GRB10: variants seen among roughly 807,000 people sequenced by gnomAD.
GRB10 encodes growth factor receptor bound protein 10.
In GRB10, 20 loss-of-function variants were observed where a neutral mutation model predicts 80.9. That is an observed-to-expected ratio of 0.25 (90% CI 0.17 to 0.36). GRB10 has a LOEUF of 0.36. GRB10 is among the 10% of genes least tolerant of loss of function. The pLI, the probability that GRB10 is intolerant of heterozygous loss-of-function variation, is 1.00. For missense variants in GRB10, 548 were observed against 747.7 expected, an observed-to-expected ratio of 0.73 and a Z score of 3.12; for synonymous variants, 291 against 291.5, an observed-to-expected ratio of 1.00 and a Z score of 0.02.
intron 7 of GRB10, among the ~76,000 whole-genome samples, chr7:50,639,287 C>T (rs1428957456): frequency 6.6e-6 from 1 of 152,162 alleles, no homozygotes; most frequent in Non-Finnish European, 1.5e-5. Context: ...TGATAGATTT[C>T]AAGTTTGCAG....
In GRB10 at chr7:50,621,861, C is replaced by T. The variant is rs536772428; in HGVS notation, c.662-2576G>A. Among the ~76,000 whole-genome samples the T allele has an allele frequency of 3.9e-5, 6 of 152,332 alleles. No homozygotes were observed. The East Asian group carries it at 9.6e-4, about 24-fold the overall frequency. On this transcript the variant is annotated intron_variant, in intron 8 of 18. Transcript: ENST00000401949. ...CTAATGCTGGCATTACTCTACTCCT[C>T]AAGAAAAAATATTTAAATATCAAGA... is the stretch of plus-strand genomic sequence containing the variant.
At chr7:50,745,635 G>A (rs927905982) in intron 3 of GRB10, among the ~76,000 whole-genome samples, 1 of 152,154 alleles carries the variant, frequency 6.6e-6, no homozygotes, top group Admixed American at 6.5e-5. Flanking sequence ...TAACTGTTGG[G>A]AAAACGGCTA....
intron 2 of GRB10, among the ~76,000 whole-genome samples, chr7:50,758,430 T>G (rs1402187681): frequency 6.6e-6 from 1 of 152,234 alleles, no homozygotes; most frequent in Non-Finnish European, 1.5e-5. Context: ...TGTCTTAACT[T>G]ACTTCCAAAA....
intron 5 of GRB10, among the ~76,000 whole-genome samples, chr7:50,702,389 G>GC (rs1340819483): frequency 6.6e-6 from 1 of 152,238 alleles, no homozygotes; most frequent in East Asian, 1.9e-4. Flanking sequence ...CAGCACCCAT[G>GC]CCGCTTTGGG....
intron 3 of GRB10, among the ~76,000 whole-genome samples, chr7:50,742,837 G>A (rs1175215281): frequency 6.6e-6 from 1 of 152,014 alleles, no homozygotes; most frequent in African/African-American, 2.4e-5. Context: ...TGTCTGCAGG[G>A]GGAAAATATT....
chr7:50,604,191 G>T, intron 16 of GRB10, 106 bp from the exon 17 acceptor site: 1 of 1,292,988 alleles, frequency 7.7e-7, no homozygotes, highest in African/African-American at 1.5e-5. Flanking sequence ...GACTCCCCCA[G>T]CTACAGCTTG....
intron 4 of GRB10, 64 bp from the exon 5 acceptor site, chr7:50,703,972 C>A (rs756574296): frequency 6.6e-6 from 7 of 1,065,762 alleles, no homozygotes; most frequent in Non-Finnish European, 1.0e-5. Flanking sequence ...CTCTTTTCAA[C>A]ACCCAGCTTC....
In GRB10 at chr7:50,606,423, G is replaced by A. The variant is rs945071236; in HGVS notation, c.1195-9C>T. The A allele has an allele frequency of 3.1e-6, 5 of 1,611,546 alleles. No homozygotes were observed. The African/African-American group carries it at 4.0e-5, about 13-fold the overall frequency. On this transcript the variant is annotated splice_polypyrimidine_tract_variant and intron_variant, in intron 13 of 18. Transcript: ENST00000401949. ...TAAAGGAGCATTCCATACTGGAGAG[G>A]AGAAGCCACAGTTAGTCACCGGCCC...
chr7:50,690,320 C>CAAAAAAAAAAAA (rs5884162), intron 5 of GRB10, among the ~76,000 whole-genome samples: 1 of 148,688 alleles, frequency 6.7e-6, no homozygotes, highest in Non-Finnish European at 1.5e-5. Flanking sequence ...AACAAACAAA[C>CAAAAAAAAAAAA]AAAAAAAACA....
Position 50,614,759 on chromosome 7 carries a change from C to T in GRB10, c.1095+11G>A. The T allele has an allele frequency of 1.9e-6, 3 of 1,581,078 alleles. No individual in the cohort carries two copies. Among genetic ancestry groups the T allele is most frequent in the South Asian group, 2.2e-5 (2 of 90,480 alleles). ...GAGCATGCGCGCCGTCTGTGGACAG[C>T]TCGTGGGTACCTTTATGCAGAGCCC... On this transcript the variant is annotated intron_variant, in intron 12 of 18. Coordinates refer to ENST00000401949, the MANE Select transcript of GRB10 (RefSeq NM_001350814.2).
chr7:50,633,584 A>C (rs983826603), intron 7 of GRB10, among the ~76,000 whole-genome samples: 1 of 152,226 alleles, frequency 6.6e-6, no homozygotes, highest in African/African-American at 2.4e-5. Flanking sequence ...TGACAGATAA[A>C]GAATTCAAGA....
chr7:50,788,047 C>A (rs1449322575), intron 1 of GRB10, among the ~76,000 whole-genome samples: 1 of 151,566 alleles, frequency 6.6e-6, no homozygotes, highest in Non-Finnish European at 1.5e-5. Context: ...CAGCACCAGG[C>A]ACTGTCCCTG....
intron 5 of GRB10, among the ~76,000 whole-genome samples, chr7:50,679,639 C>A (rs916744110): frequency 3.3e-5 from 5 of 152,196 alleles, no homozygotes; most frequent in Non-Finnish European, 7.3e-5. Flanking sequence ...CCACTACCCC[C>A]TTCCCCCATT....
chr7:50,714,588 A>G (rs111597261), intron 4 of GRB10, among the ~76,000 whole-genome samples: 5,941 of 151,864 alleles, frequency 0.039, 404 homozygotes, highest in African/African-American at 0.14. Context: ...GCGTGAACCC[A>G]GGAGGCGGAG....
chr7:50,591,059 G>A lies in GRB10; in HGVS notation c.*1893C>T, dbSNP rs1016137571. On this transcript the variant is annotated 3_prime_UTR_variant, in exon 19 of 19. Transcript: ENST00000401949. ...AGCCAGTGAAGAGGAAGGAATCGTGGTGTAACTGCAATGTCCGTCCCTACA... is the reference window on the plus strand; with the variant it reads ...AGCCAGTGAAGAGGAAGGAATCGTGATGTAACTGCAATGTCCGTCCCTACA... The A allele has an allele frequency of 2.0e-5, 3 of 152,234 alleles. No individual in the cohort carries two copies. The South Asian group carries it at 6.2e-4, about 32-fold the overall frequency. 9.4% of individuals were successfully genotyped at this position (152,234 alleles called of 1,614,324 possible).
chr7:50,724,648 G>A (rs1173837558), intron 4 of GRB10, among the ~76,000 whole-genome samples: 3 of 152,148 alleles, frequency 2.0e-5, no homozygotes, highest in African/African-American at 7.2e-5. Flanking sequence ...AAGAGGGCTA[G>A]GCAAGACAGG....
At chr7:50,621,287 C>T (rs951076808) in intron 8 of GRB10, among the ~76,000 whole-genome samples, 1 of 152,226 alleles carries the variant, frequency 6.6e-6, no homozygotes, top group Non-Finnish European at 1.5e-5. Context: ...CAGGTGAGGG[C>T]TTGGTGCCCT....
At chr7:50,617,445 T>C (rs1237546508) in intron 10 of GRB10, among the ~76,000 whole-genome samples, 1 of 152,072 alleles carries the variant, frequency 6.6e-6, no homozygotes, top group Non-Finnish European at 1.5e-5. Context: ...GCTGTAACAT[T>C]CCCATTCCCC....
intron 7 of GRB10, among the ~76,000 whole-genome samples, chr7:50,639,590 G>A (rs556362404): frequency 8.5e-5 from 13 of 152,096 alleles, no homozygotes; most frequent in South Asian, 8.3e-4. Context: ...GGAGAATGGC[G>A]TGAACCGGGG....
Sources: gnomAD v4.1 joint callset for allele counts (sites outside exome capture counted in the v4.1 genomes callset) on GRCh38, gnomAD v4.1.1 for gene constraint, MANE v1.5 for transcripts, NCBI Gene and HGNC (gene_info 2026-07-23, HGNC 2026-07-21) for gene names.